The following FAM78B variants were observed in gnomAD, a reference collection of about 807,000 sequenced individuals.
The protein encoded by FAM78B is protein FAM78B.
In FAM78B, 10 loss-of-function variants were observed where a neutral mutation model predicts 20.0. The observed-to-expected ratio is 0.50, with a 90% confidence interval of 0.31 to 0.85. The LOEUF (loss-of-function observed/expected upper bound fraction) is 0.85, where lower values mean the gene tolerates loss of function less well. Ranked by LOEUF, FAM78B falls within the 40% of genes least tolerant of loss-of-function variation. FAM78B has a pLI of 0.05. For synonymous variants in FAM78B, 135 were observed against 132.8 expected (o/e 1.02, Z -0.12); for missense variants, 283 against 345.0 (o/e 0.82, Z 1.42).
At chr1:166,061,060 C>T (rs1452374372) in intron 2 of FAM78B, among the ~76,000 whole-genome samples, 1 of 152,072 alleles carries the variant, frequency 6.6e-6, no homozygotes, top group Non-Finnish European at 1.5e-5. Context: ...TGTAGCTCAC[C>T]CAACATTCCT....
intron 1 of FAM78B, among the ~76,000 whole-genome samples, chr1:166,098,770 G>A (rs903854309): frequency 5.3e-5 from 8 of 152,032 alleles, no homozygotes; most frequent in Admixed American, 2.0e-4. Context: ...TAGAATAATC[G>A]GTGTTCCTGA....
chr1:166,151,960 AAC>A (rs1655690443), intron 1 of FAM78B, among the ~76,000 whole-genome samples: 1 of 152,212 alleles, frequency 6.6e-6, no homozygotes, highest in Non-Finnish European at 1.5e-5. Context: ...CTAATTATAC[AAC>A]AGTCCCATCT....
chr1:166,139,883 G>T (rs1470256682), intron 1 of FAM78B, among the ~76,000 whole-genome samples: 2 of 152,212 alleles, frequency 1.3e-5, no homozygotes, highest in Non-Finnish European at 2.9e-5. Flanking sequence ...CTGTCCTGCT[G>T]TGAGGTTGGA....
At chr1:166,142,602 G>A (rs1006823041) in intron 1 of FAM78B, among the ~76,000 whole-genome samples, 6 of 152,148 alleles carry the variant, frequency 3.9e-5, no homozygotes, top group African/African-American at 1.4e-4. Context: ...TGTGATTTGA[G>A]GAATCATTTT....
At chr1:166,156,769 CA>C (rs951963081) in intron 1 of FAM78B, among the ~76,000 whole-genome samples, 7 of 152,226 alleles carry the variant, frequency 4.6e-5, no homozygotes, top group Non-Finnish European at 7.4e-5. Context: ...TGAGCATGAA[CA>C]GCATGGCTCA....
At chr1:166,120,761 C>G (rs950206483) in intron 1 of FAM78B, among the ~76,000 whole-genome samples, 2 of 152,136 alleles carry the variant, frequency 1.3e-5, no homozygotes, top group African/African-American at 4.8e-5. Context: ...AGCAGGAGCA[C>G]GTGGTGAGCA....
At position 166,084,239 on chromosome 1, in the gene FAM78B, T is replaced by TACACACACACACA. The variant is rs1557893568; in HGVS notation, c.264-13477_264-13476insTGTGTGTGTGTGT. On this transcript the variant is annotated intron_variant, in intron 1 of 1. Transcript: ENST00000354422. ...CACACACACACACACACACACACAC[T>TACACACACACACA]CTCTCTCTCTCTCTCTCTCTCTCTC... 1.0e-2 allele frequency among the ~76,000 whole-genome samples: 678 copies of TACACACACACACA among 67,840 alleles called. 7 individuals are homozygous for TACACACACACACA. Among genetic ancestry groups the TACACACACACACA allele is most frequent in the African/African-American group, 0.03 (633 of 20,926 alleles). The allele number at this position is 67,840 out of a possible 152,430, so 44.5% of individuals were successfully genotyped here.
intron 1 of FAM78B, among the ~76,000 whole-genome samples, chr1:166,149,096 A>T (rs1338564929): frequency 6.6e-6 from 1 of 152,154 alleles, no homozygotes; most frequent in Non-Finnish European, 1.5e-5. Flanking sequence ...ATAATGCCGC[A>T]ATAAACATAC....
chr1:166,152,587 C>T (rs1358942064), intron 1 of FAM78B, among the ~76,000 whole-genome samples: 2 of 152,116 alleles, frequency 1.3e-5, no homozygotes, highest in Non-Finnish European at 2.9e-5. Flanking sequence ...GAATCAATCC[C>T]CCTTTAACCT....
At chr1:166,148,871 A>C (rs1385404318) in intron 1 of FAM78B, among the ~76,000 whole-genome samples, 1 of 152,092 alleles carries the variant, frequency 6.6e-6, no homozygotes, top group African/African-American at 2.4e-5. Flanking sequence ...TTCAATTCCC[A>C]CCTATGAGTG....
downstream of FAM78B, among the ~76,000 whole-genome samples, chr1:166,066,542 C>T (rs961418437): frequency 6.6e-6 from 1 of 152,130 alleles, no homozygotes; most frequent in Non-Finnish European, 1.5e-5. Context: ...ATCCTGGCTC[C>T]TGACATTTTG....
intron 1 of FAM78B, among the ~76,000 whole-genome samples, chr1:166,135,570 A>C (rs1447995223): frequency 6.6e-6 from 1 of 152,256 alleles, no homozygotes; most frequent in Non-Finnish European, 1.5e-5. Context: ...GTCCAGTAGC[A>C]TGAGACATGT....
At chr1:166,116,913 C>T (rs536909646) in intron 1 of FAM78B, among the ~76,000 whole-genome samples, 13 of 152,308 alleles carry the variant, frequency 8.5e-5, no homozygotes, top group Admixed American at 2.0e-4. Flanking sequence ...GATCCCATGA[C>T]GCTTTGTCTC....
downstream of FAM78B, among the ~76,000 whole-genome samples, chr1:166,067,479 T>C (rs1160653646): frequency 6.6e-6 from 1 of 152,022 alleles, no homozygotes; most frequent in Non-Finnish European, 1.5e-5. Context: ...TTTAAACTGA[T>C]GGCATCTGGC....
intron 1 of FAM78B, among the ~76,000 whole-genome samples, chr1:166,084,233 ACACACT>A (rs1410541636): frequency 3.2e-5 from 4 of 123,556 alleles, no homozygotes; most frequent in African/African-American, 1.1e-4. Flanking sequence ...ACACACACAC[ACACACT>A]CTCTCTCTCT....
chr1:166,078,611 A>G (rs1652429698), intron 1 of FAM78B, among the ~76,000 whole-genome samples: 1 of 152,224 alleles, frequency 6.6e-6, no homozygotes, highest in Admixed American at 6.5e-5. Flanking sequence ...CAGACCCAAC[A>G]AATTCTCCCA....
intron 1 of FAM78B, among the ~76,000 whole-genome samples, chr1:166,095,387 A>G (rs766027331): frequency 3.9e-5 from 6 of 151,914 alleles, no homozygotes; most frequent in Non-Finnish European, 7.4e-5. Context: ...GGCAGAGGGG[A>G]GGGTAGAGTG....
intron 1 of FAM78B, among the ~76,000 whole-genome samples, chr1:166,159,565 C>T (rs1358561147): frequency 6.6e-6 from 1 of 152,138 alleles, no homozygotes; most frequent in Admixed American, 6.5e-5. Context: ...GATGCCTCTG[C>T]AGACCTGCCC....
chr1:166,158,729 G>A (rs1374022762), intron 1 of FAM78B, among the ~76,000 whole-genome samples: 1 of 152,186 alleles, frequency 6.6e-6, no homozygotes, highest in African/African-American at 2.4e-5. Flanking sequence ...GAGAATAAGA[G>A]GCAACTTGCC....
Sources: allele counts gnomAD v4.1 joint callset (sites outside exome capture counted in the v4.1 genomes callset), GRCh38; gene constraint gnomAD v4.1.1; transcripts MANE v1.5; gene names NCBI Gene and HGNC (gene_info 2026-07-23, HGNC 2026-07-21).